RREB1: variants seen among roughly 807,000 people sequenced by gnomAD.
RREB1 encodes the protein ras-responsive element-binding protein 1.
RREB1 carries 27 observed loss-of-function variants against 117.8 expected under a neutral mutation model. The ratio of observed to expected loss-of-function variants is 0.23; its 90% CI spans 0.17 to 0.32. RREB1 has a LOEUF of 0.32. Among genes scored for constraint, RREB1 ranks in the 10% least tolerant of loss-of-function variants. The pLI is 1.00. For missense variants in RREB1, 2,577 were observed against 2,378.2 expected, an observed-to-expected ratio of 1.08 and a Z score of -1.74; for synonymous variants, 1,298 against 1,026.7, an observed-to-expected ratio of 1.26 and a Z score of -5.05.
intron 1 of RREB1, among the ~76,000 whole-genome samples, chr6:7,145,973 CTT>C (rs1394383230): frequency 2.7e-5 from 4 of 146,746 alleles, no homozygotes; most frequent in African/African-American, 1.1e-4. Flanking sequence ...CTTCCTCTCT[CTT>C]TCTCTCTCTC....
intron 1 of RREB1, among the ~76,000 whole-genome samples, chr6:7,134,633 A>C (rs1762277998): frequency 1.3e-5 from 2 of 152,246 alleles, no homozygotes; most frequent in Admixed American, 1.3e-4. Flanking sequence ...TCTTTATTAA[A>C]TACAGCAGCA....
At chr6:7,128,428 C>G (rs969991514) in intron 1 of RREB1, among the ~76,000 whole-genome samples, 2 of 152,038 alleles carry the variant, frequency 1.3e-5, no homozygotes, top group African/African-American at 2.4e-5. Flanking sequence ...CCAGGGCACA[C>G]TACTTAGGGG....
chr6:7,221,675 G>T (rs1417425313), intron 8 of RREB1, among the ~76,000 whole-genome samples: 1 of 152,198 alleles, frequency 6.6e-6, no homozygotes, highest in Non-Finnish European at 1.5e-5. Flanking sequence ...GCTTGTGCAG[G>T]CTGGGAGAGC....
intron 1 of RREB1, among the ~76,000 whole-genome samples, chr6:7,129,355 T>G (rs1762062914): frequency 6.6e-6 from 1 of 152,216 alleles, no homozygotes; most frequent in Non-Finnish European, 1.5e-5. Flanking sequence ...TGACCTTTTC[T>G]TCTTAATTTA....
Position 7,230,738 on chromosome 6 carries a change from C to G in RREB1, c.2639C>G (p.Pro880Arg). ...LHRGPTQPPP[P>R]HVSIKLEPAS... ...AGGGGCCCCACCCAGCCTCCACCTC[C>G]CCATGTCTCGATCAAGTTGGAGCCC... Residue 880 changes from proline to arginine, a missense_variant, in exon 10 of 13, where the codon CCC becomes CGC. Transcript: ENST00000379938. The G allele has an allele frequency of 1.2e-6, 2 of 1,607,160 alleles. No homozygotes were observed. Among genetic ancestry groups the G allele is most frequent in the African/African-American group, 1.3e-5 (1 of 74,892 alleles).
chr6:7,151,276 A>G (rs142697905), intron 1 of RREB1, among the ~76,000 whole-genome samples: 221 of 152,282 alleles, frequency 1.5e-3, no homozygotes, highest in African/African-American at 4.7e-3. Flanking sequence ...CTGAGGCCCA[A>G]AGAGAAGAAT....
chr6:7,191,993 T>G (rs1765426898), intron 6 of RREB1, among the ~76,000 whole-genome samples: 1 of 152,148 alleles, frequency 6.6e-6, no homozygotes, highest in South Asian at 2.1e-4. Context: ...TCTTTCCCCA[T>G]TAAATATGAT....
intron 2 of RREB1, among the ~76,000 whole-genome samples, chr6:7,179,889 T>C (rs1764703011): frequency 6.6e-6 from 1 of 152,264 alleles, no homozygotes; most frequent in African/African-American, 2.4e-5. Flanking sequence ...GGGTTCGAGT[T>C]GACCCTCCCA....
chr6:7,238,854 G>A lies in RREB1; in HGVS notation c.3809-1584G>A, dbSNP rs140352988. 3.9e-5 allele frequency among the ~76,000 whole-genome samples: 6 copies of A among 152,294 alleles called. No individual in the cohort carries two copies. In the East Asian group the frequency reaches 1.2e-3, roughly 29 times the overall value. ...AGATTTGTAAGCATCATCTTAAAGG[G>A]TCTTTTAGCTCAGGAGGGAATCAAT... is the stretch of plus-strand genomic sequence containing the variant. On this transcript the variant is annotated intron_variant, in intron 10 of 12. Coordinates refer to ENST00000379938, the MANE Select transcript of RREB1 (RefSeq NM_001003699.4).
intron 10 of RREB1, among the ~76,000 whole-genome samples, chr6:7,236,896 T>TTG (rs1554128080): frequency 7.4e-6 from 1 of 135,206 alleles, no homozygotes; most frequent in African/African-American, 2.8e-5. Flanking sequence ...GGTTTTTTTT[T>TTG]TTTTTTTTTT....
rs535603972 is a variant in RREB1, at chr6:7,117,199, T to A, written c.-285+9139T>A. 1.8e-4 allele frequency among the ~76,000 whole-genome samples: 27 copies of A among 152,254 alleles called. No homozygotes were observed. The South Asian group carries it at 4.1e-3, about 23-fold the overall frequency. On this transcript the variant is annotated intron_variant, in intron 1 of 12. Transcript: ENST00000379938. Reference sequence around the variant, plus strand: ...TATTTATAAAAATAATCATTTTCACTGTTTTAAGGGAGCTCCCTTTATTCT... The same window carrying A: ...TATTTATAAAAATAATCATTTTCACAGTTTTAAGGGAGCTCCCTTTATTCT...
At chr6:7,178,488 G>A (rs955505576) in intron 2 of RREB1, among the ~76,000 whole-genome samples, 8 of 152,180 alleles carry the variant, frequency 5.3e-5, no homozygotes, top group East Asian at 3.9e-4. Flanking sequence ...TTTTTCTAAC[G>A]TAGAACAATG....
intron 1 of RREB1, among the ~76,000 whole-genome samples, chr6:7,124,784 C>T (rs935066133): frequency 2.0e-5 from 3 of 152,206 alleles, no homozygotes; most frequent in Admixed American, 6.5e-5. Flanking sequence ...TTCATCACAA[C>T]AATTCTCTGA....
At chr6:7,145,806 G>A (rs1201758971) in intron 1 of RREB1, among the ~76,000 whole-genome samples, 2 of 151,266 alleles carry the variant, frequency 1.3e-5, no homozygotes, top group Non-Finnish European at 2.9e-5. Flanking sequence ...AATGGGCCCC[G>A]TCTTTTTCTT....
In RREB1 at chr6:7,182,089, G is replaced by A. The variant is rs749837276; in HGVS notation, c.171+7G>A. 2 of 1,613,528 alleles carry A rather than the reference G, an allele frequency of 1.2e-6. No individual in the cohort carries two copies. Among genetic ancestry groups the A allele is most frequent in the East Asian group, 2.2e-5 (1 of 44,848 alleles). The stretch of plus-strand genomic sequence containing the variant: ...GATTGGCAGAAGGAACCAGGTAAGT[G>A]TTCACACCTAGTGGTGACCTCTGGT... On this transcript the variant is annotated splice_region_variant and intron_variant, in intron 4 of 12. Coordinates refer to ENST00000379938, the MANE Select transcript of RREB1 (RefSeq NM_001003699.4).
rs2113115790 is a variant in RREB1 at position 7,230,736 on chromosome 6, T to C, written c.2637T>C (p.Pro879=). 1.2e-6 allele frequency: 2 copies of C among 1,603,018 alleles called. No homozygotes were observed. Among genetic ancestry groups the C allele is most frequent in the East Asian group, 4.5e-5 (2 of 44,714 alleles). Residue 879 remains proline (P), a synonymous_variant, in exon 10 of 13, where the codon CCT becomes CCC. Coordinates refer to ENST00000379938, the MANE Select transcript of RREB1 (RefSeq NM_001003699.4). The part of the protein sequence containing the change: ...FLHRGPTQPP[P]PHVSIKLEPA... Reference sequence around the variant, plus strand: ...ACAGGGGCCCCACCCAGCCTCCACCTCCCCATGTCTCGATCAAGTTGGAGC... The same window carrying C: ...ACAGGGGCCCCACCCAGCCTCCACCCCCCCATGTCTCGATCAAGTTGGAGC...
chr6:7,169,002 G>A (rs1764090061), intron 1 of RREB1, among the ~76,000 whole-genome samples: 1 of 147,610 alleles, frequency 6.8e-6, no homozygotes, highest in Non-Finnish European at 1.5e-5. Context: ...AAGTGTTAGT[G>A]CCCTAGGTTA....
chr6:7,108,146 C>T (rs1294951620), intron 1 of RREB1, 86 bp downstream of exon 1: 1 of 152,166 alleles, frequency 6.6e-6, no homozygotes, highest in African/African-American at 2.4e-5. Flanking sequence ...TTTTAAAGAA[C>T]TTTGGGGATG....
chr6:7,134,010 C>G (rs1486959652), intron 1 of RREB1, among the ~76,000 whole-genome samples: 8 of 152,056 alleles, frequency 5.3e-5, no homozygotes, highest in Admixed American at 5.2e-4. Flanking sequence ...ACATGAAAAT[C>G]ACATTTTGAT....
Sources: allele counts gnomAD v4.1 joint callset (sites outside exome capture counted in the v4.1 genomes callset), GRCh38; gene constraint gnomAD v4.1.1; transcripts MANE v1.5; gene names NCBI Gene and HGNC (gene_info 2026-07-23, HGNC 2026-07-21).